ATP8A2: variants seen among roughly 807,000 people sequenced by gnomAD.
ATP8A2 encodes phospholipid-transporting ATPase IB.
Under a neutral mutation model 165.6 loss-of-function variants are expected in ATP8A2, and 100 were observed. The observed-to-expected ratio is 0.60, with a 90% CI of 0.51 to 0.71. ATP8A2 has a LOEUF of 0.71. Ranked by LOEUF, ATP8A2 falls within the 30% of genes least tolerant of loss-of-function variation. The pLI is 0.00. For missense variants in ATP8A2, 1,227 were observed against 1,479.5 expected, an observed-to-expected ratio of 0.83 and a Z score of 2.80; for synonymous variants, 543 against 548.8, an observed-to-expected ratio of 0.99 and a Z score of 0.15.
intron 2 of ATP8A2, among the ~76,000 whole-genome samples, chr13:25,479,036 C>T (rs531054579): frequency 3.9e-5 from 6 of 152,094 alleles, no homozygotes; most frequent in South Asian, 4.2e-4. Flanking sequence ...TTAGTAGAGA[C>T]GGGGTTTCAC....
At chr13:25,799,514 C>A (rs1332239940) in intron 27 of ATP8A2, among the ~76,000 whole-genome samples, 1 of 152,298 alleles carries the variant, frequency 6.6e-6, no homozygotes, top group East Asian at 1.9e-4. Context: ...TTCCCAGACA[C>A]GGAATCATTG....
rs118043366 is a variant in ATP8A2, at chr13:25,598,086, G to T, written c.2211+8387G>T. Among the ~76,000 whole-genome samples the T allele has an allele frequency of 9.3e-3, 1,418 of 152,040 alleles. 23 individuals are homozygous for T. Among genetic ancestry groups the T allele is most frequent in the Non-Finnish European group, 0.013 (894 of 67,970 alleles). ...AGGATTGAGGTCCAGTTTATATCCC[G>T]TATAGTTATCTAGTGTTTACAGCAT... On this transcript the variant is annotated intron_variant, in intron 24 of 36. Coordinates refer to ENST00000381655, the MANE Select transcript of ATP8A2 (RefSeq NM_016529.6).
chr13:25,407,446 T>C (rs1318899249), intron 1 of ATP8A2, among the ~76,000 whole-genome samples: 1 of 152,158 alleles, frequency 6.6e-6, no homozygotes, highest in Non-Finnish European at 1.5e-5. Flanking sequence ...GAAAGTGCAA[T>C]TTGCATCAGG....
chr13:25,690,366 G>A (rs1343135215), intron 24 of ATP8A2, among the ~76,000 whole-genome samples: 1 of 151,866 alleles, frequency 6.6e-6, no homozygotes, highest in African/African-American at 2.4e-5. Context: ...TCAGGAAAAC[G>A]TGGGTTTTTA....
At chr13:25,799,052 AGTTTTAT>A (rs1033921456) in intron 27 of ATP8A2, among the ~76,000 whole-genome samples, 2 of 152,048 alleles carry the variant, frequency 1.3e-5, no homozygotes, top group Non-Finnish European at 2.9e-5. Context: ...ATTTAATATA[AGTTTTAT>A]GTGGCACGGG....
At chr13:25,470,153 A>G (rs1396523250) in intron 2 of ATP8A2, among the ~76,000 whole-genome samples, 1 of 152,202 alleles carries the variant, frequency 6.6e-6, no homozygotes, top group African/African-American at 2.4e-5. Flanking sequence ...ATCTTTATTT[A>G]GAAAGGTCAG....
chr13:25,685,984 G>T (rs1253624016), intron 24 of ATP8A2, among the ~76,000 whole-genome samples: 5 of 152,174 alleles, frequency 3.3e-5, no homozygotes, highest in Admixed American at 3.3e-4. Flanking sequence ...GGCATTGTTT[G>T]CTGATTGATT....
intron 24 of ATP8A2, among the ~76,000 whole-genome samples, chr13:25,625,364 C>G (rs1215803296): frequency 6.6e-6 from 1 of 152,216 alleles, no homozygotes; most frequent in Non-Finnish European, 1.5e-5. Flanking sequence ...AAACATACAG[C>G]CTCTTTATGT....
intron 36 of ATP8A2, among the ~76,000 whole-genome samples, chr13:26,013,843 C>A (rs975264737): frequency 1.5e-4 from 23 of 152,138 alleles, no homozygotes; most frequent in African/African-American, 5.3e-4. Flanking sequence ...AGTATCATTG[C>A]TTTTCAGTAA....
At chr13:25,467,273 T>G (rs553287158) in intron 1 of ATP8A2, among the ~76,000 whole-genome samples, 139 of 152,318 alleles carry the variant, frequency 9.1e-4, no homozygotes, top group African/African-American at 3.2e-3. Flanking sequence ...GGACCTGGCT[T>G]GAGCCCCGGA....
chr13:25,676,034 A>G (rs2042365152), intron 24 of ATP8A2, among the ~76,000 whole-genome samples: 2 of 152,150 alleles, frequency 1.3e-5, no homozygotes, highest in Non-Finnish European at 2.9e-5. Flanking sequence ...CATGTAACCC[A>G]TAAGCGTGTA....
chr13:25,966,961 C>T (rs1266049517), intron 34 of ATP8A2, among the ~76,000 whole-genome samples: 1 of 152,110 alleles, frequency 6.6e-6, no homozygotes, highest in Non-Finnish European at 1.5e-5. Flanking sequence ...GAAGAACCAG[C>T]GATGCTGCTC....
intron 1 of ATP8A2, among the ~76,000 whole-genome samples, chr13:25,435,432 T>C (rs991807243): frequency 6.6e-6 from 1 of 152,190 alleles, no homozygotes; most frequent in Non-Finnish European, 1.5e-5. Flanking sequence ...AATCTTTAAT[T>C]ATACAATCAA....
At chr13:25,737,860 A>G (rs997883847) in intron 25 of ATP8A2, among the ~76,000 whole-genome samples, 1 of 151,896 alleles carries the variant, frequency 6.6e-6, no homozygotes, top group Non-Finnish European at 1.5e-5. Context: ...ATTTTTTTGT[A>G]TTTTTAGCAG....
chr13:25,825,205 G>A (rs1290678091), intron 27 of ATP8A2, among the ~76,000 whole-genome samples: 1 of 127,766 alleles, frequency 7.8e-6, no homozygotes, highest in Admixed American at 9.0e-5. Context: ...AGCCCAGGTT[G>A]GAGTGCAATG....
intron 1 of ATP8A2, among the ~76,000 whole-genome samples, chr13:25,465,076 C>G (rs1318260031): frequency 6.6e-6 from 1 of 152,210 alleles, no homozygotes; most frequent in East Asian, 1.9e-4. Flanking sequence ...TCTCTGCTGA[C>G]ACAGCACCTG....
At chr13:25,596,199 C>T (rs527276879) in intron 24 of ATP8A2, among the ~76,000 whole-genome samples, 33 of 152,284 alleles carry the variant, frequency 2.2e-4, no homozygotes, top group Admixed American at 2.0e-3. Flanking sequence ...ATTATTTCTG[C>T]TCTAATGGTA....
At chr13:25,679,449 C>T (rs984261599) in intron 24 of ATP8A2, among the ~76,000 whole-genome samples, 3 of 152,110 alleles carry the variant, frequency 2.0e-5, no homozygotes, top group South Asian at 4.2e-4. Flanking sequence ...GCAGATAATG[C>T]GATTTGACTT....
intron 33 of ATP8A2, among the ~76,000 whole-genome samples, chr13:25,929,332 T>C (rs1015252083): frequency 3.3e-5 from 5 of 151,978 alleles, no homozygotes; most frequent in African/African-American, 1.2e-4. Context: ...CCTGGAACGG[T>C]GAGGCTGCAA....
Sources: allele counts gnomAD v4.1 joint callset (sites outside exome capture counted in the v4.1 genomes callset), GRCh38; gene constraint gnomAD v4.1.1; transcripts MANE v1.5; gene names NCBI Gene and HGNC (gene_info 2026-07-23, HGNC 2026-07-21).